The following EPHA3 variants were observed in gnomAD, a reference collection of about 807,000 sequenced individuals.
EPHA3 encodes ephrin type-A receptor 3.
EPHA3 carries 42 observed loss-of-function variants against 107.1 expected under a neutral mutation model. The observed-to-expected ratio is 0.39, with a 90% CI of 0.31 to 0.51. The LOEUF is 0.51. Among genes scored for constraint, EPHA3 ranks in the 20% least tolerant of loss-of-function variants. EPHA3 has a pLI of 0.78. For missense variants in EPHA3, 1,183 were observed against 1,211.2 expected (o/e 0.98, Z 0.35); for synonymous variants, 461 against 424.8 (o/e 1.09, Z -1.05).
chr3:89,171,829 C>T (rs1256100307), intron 2 of EPHA3, among the ~76,000 whole-genome samples: 1 of 152,170 alleles, frequency 6.6e-6, no homozygotes, highest in Non-Finnish European at 1.5e-5. Flanking sequence ...ACCTTATGAT[C>T]ACAACTGCCA....
At position 89,210,371 on chromosome 3, in the gene EPHA3, C is replaced by T. The variant is rs1282065699; in HGVS notation, c.665C>T (p.Ser222Phe). The T allele has an allele frequency of 6.2e-7, 1 of 1,613,778 alleles. No individual in the cohort carries two copies. Among genetic ancestry groups the T allele is most frequent in the Non-Finnish European group, 8.5e-7 (1 of 1,179,870 alleles). The change falls in exon 3 of 17, where the codon TCC becomes TTC. Residue 222 changes from serine (S) to phenylalanine (F), a missense_variant. Transcript: ENST00000336596. ...GACACGGTACCCATGGACTCCCAGTCCCTGGTGGAGGTTAGAGGGTCTTGT... is the reference window on the plus strand; with the variant it reads ...GACACGGTACCCATGGACTCCCAGTTCCTGGTGGAGGTTAGAGGGTCTTGT... ...FPDTVPMDSQ[S>F]LVEVRGSCVN... is the part of the protein sequence containing the mutation.
intron 7 of EPHA3, among the ~76,000 whole-genome samples, chr3:89,406,434 A>G (rs1379780093): frequency 1.3e-5 from 2 of 152,156 alleles, no homozygotes; most frequent in Non-Finnish European, 2.9e-5. Flanking sequence ...CCAGATAATA[A>G]ATATTTTAGG....
At chr3:89,151,963 G>T (rs1704698911) in intron 2 of EPHA3, among the ~76,000 whole-genome samples, 1 of 151,976 alleles carries the variant, frequency 6.6e-6, no homozygotes, top group Non-Finnish European at 1.5e-5. Flanking sequence ...GAAGGCTGCA[G>T]AATAGCTTTT....
chr3:89,201,797 A>G (rs537144538), intron 2 of EPHA3, among the ~76,000 whole-genome samples: 9 of 152,342 alleles, frequency 5.9e-5, no homozygotes, highest in Admixed American at 4.6e-4. Context: ...GTTTATATCA[A>G]TTAGCCCAGG....
intron 3 of EPHA3, among the ~76,000 whole-genome samples, chr3:89,293,217 G>C (rs1335606784): frequency 6.6e-6 from 1 of 151,904 alleles, no homozygotes; most frequent in Non-Finnish European, 1.5e-5. Flanking sequence ...ATGGAATTTT[G>C]AAAGTTCTTT....
chr3:89,310,004 A>G (rs960770568), intron 3 of EPHA3, among the ~76,000 whole-genome samples: 4 of 152,042 alleles, frequency 2.6e-5, no homozygotes, highest in Non-Finnish European at 5.9e-5. Context: ...CAGAATTAAG[A>G]TTCTTATACC....
At chr3:89,258,203 C>T (rs1265542093) in intron 3 of EPHA3, among the ~76,000 whole-genome samples, 1 of 152,090 alleles carries the variant, frequency 6.6e-6, no homozygotes, top group Non-Finnish European at 1.5e-5. Flanking sequence ...AAGTAACTAG[C>T]TTATGTCCTG....
At chr3:89,468,499 G>A (rs115727806) in intron 15 of EPHA3, among the ~76,000 whole-genome samples, 5,068 of 152,090 alleles carry the variant, frequency 0.033, 82 homozygotes, top group South Asian at 0.048. Context: ...AATGTCCTGG[G>A]GTTTGATTCT....
chr3:89,247,089 C>CG (rs1395980329), intron 3 of EPHA3, among the ~76,000 whole-genome samples: 1 of 152,008 alleles, frequency 6.6e-6, no homozygotes, highest in Admixed American at 6.6e-5. Context: ...TTCTAGATAC[C>CG]GGGAATAATT....
chr3:89,443,164 T>C (rs1389481202), intron 13 of EPHA3, among the ~76,000 whole-genome samples: 1 of 152,204 alleles, frequency 6.6e-6, no homozygotes, highest in East Asian at 1.9e-4. Context: ...AAATTATTTT[T>C]TAATTAATTG....
intron 5 of EPHA3, among the ~76,000 whole-genome samples, chr3:89,361,739 T>C (rs1479460485): frequency 6.6e-6 from 1 of 151,024 alleles, no homozygotes; most frequent in Non-Finnish European, 1.5e-5. Context: ...ATGCCCATTC[T>C]CTGCTATCCC....
chr3:89,151,859 A>G (rs2107045521), intron 2 of EPHA3, among the ~76,000 whole-genome samples: 1 of 152,242 alleles, frequency 6.6e-6, no homozygotes, highest in East Asian at 1.9e-4. Context: ...GTGGTCTGGC[A>G]TGACCTGAAG....
At chr3:89,372,288 C>G (rs1218366360) in intron 5 of EPHA3, among the ~76,000 whole-genome samples, 1 of 151,550 alleles carries the variant, frequency 6.6e-6, no homozygotes, top group African/African-American at 2.4e-5. Flanking sequence ...ATTGAAGAGG[C>G]TTCATATACA....
chr3:89,434,562 G>C (rs1709630957), intron 13 of EPHA3, among the ~76,000 whole-genome samples: 1 of 152,052 alleles, frequency 6.6e-6, no homozygotes, highest in Non-Finnish European at 1.5e-5. Flanking sequence ...CCCATAAGTA[G>C]GCTTGATTGC....
At position 89,160,593 on chromosome 3, in the gene EPHA3, C is replaced by T. The variant is rs1172381954; in HGVS notation, c.153+33320C>T. Among the ~76,000 whole-genome samples the T allele has an allele frequency of 1.9e-4, 20 of 105,758 alleles. 1 individual carries two copies. The highest frequency in any genetic ancestry group is 8.8e-3 in the Middle Eastern group (2 of 226). 69.4% of individuals were successfully genotyped at this position (105,758 alleles called of 152,430 possible). A position where few individuals can be genotyped will look rare whatever the true frequency, so the allele number is the denominator to read the frequency against. ...GTGTGTGTGTGTGTGTGTGTGTGCGCGCATTCTTTTTCTGTGTGTATTTCT... is the reference window on the plus strand; with the variant it reads ...GTGTGTGTGTGTGTGTGTGTGTGCGTGCATTCTTTTTCTGTGTGTATTTCT... On this transcript the variant is annotated intron_variant, in intron 2 of 16. Transcript: ENST00000336596.
chr3:89,444,385 T>C (rs1410118743), intron 13 of EPHA3, among the ~76,000 whole-genome samples: 1 of 152,136 alleles, frequency 6.6e-6, no homozygotes, highest in Non-Finnish European at 1.5e-5. Context: ...GTTTGATTTT[T>C]TTTTTTACTT....
In EPHA3 at chr3:89,213,440, C is replaced by T. The variant is rs535594170; in HGVS notation, c.814+2920C>T. On this transcript the variant is annotated intron_variant, in intron 3 of 16. Coordinates refer to ENST00000336596, the MANE Select transcript of EPHA3 (RefSeq NM_005233.6). ...ACATTATTTATCTTTGATTCCACTA[C>T]GCCTTTCAGAATGCATTGCAAATAA... Among the ~76,000 whole-genome samples the T allele has an allele frequency of 1.8e-4, 28 of 152,060 alleles. 1 individual carries two copies. In the South Asian group the frequency reaches 3.1e-3, roughly 17 times the overall value.
At chr3:89,243,606 G>A (rs940280199) in intron 3 of EPHA3, among the ~76,000 whole-genome samples, 8 of 152,054 alleles carry the variant, frequency 5.3e-5, no homozygotes, top group African/African-American at 1.9e-4. Context: ...GGGGTTGTTG[G>A]TTTTTTTCTT....
chr3:89,257,245 A>G (rs1705307154), intron 3 of EPHA3, among the ~76,000 whole-genome samples: 1 of 152,174 alleles, frequency 6.6e-6, no homozygotes, highest in African/African-American at 2.4e-5. Context: ...CTTAAACTCC[A>G]CATCCTATCT....
Sources: gnomAD v4.1 joint callset for allele counts (sites outside exome capture counted in the v4.1 genomes callset) on GRCh38, gnomAD v4.1.1 for gene constraint, MANE v1.5 for transcripts, NCBI Gene and HGNC (gene_info 2026-07-23, HGNC 2026-07-21) for gene names.